BANK1: variants seen among roughly 807,000 people sequenced by gnomAD.
BANK1 encodes the protein B cell scaffold protein with ankyrin repeats 1, also known as B-cell scaffold protein with ankyrin repeats.
In BANK1, 95 loss-of-function variants were observed where a neutral mutation model predicts 94.5. That is an observed-to-expected ratio of 1.00 (90% CI 0.85 to 1.19). The LOEUF (loss-of-function observed/expected upper bound fraction) is 1.19. BANK1 is among the 50% of genes most tolerant of loss of function. The pLI is 0.00. For missense variants in BANK1, 987 were observed against 932.2 expected (o/e 1.06, Z -0.77); for synonymous variants, 334 against 308.4 (o/e 1.08, Z -0.87).
At chr4:101,927,343 C>G (rs1286571366) in intron 7 of BANK1, among the ~76,000 whole-genome samples, 3 of 151,650 alleles carry the variant, frequency 2.0e-5, no homozygotes, top group Non-Finnish European at 4.4e-5. Flanking sequence ...TGGTCCCACC[C>G]TGGACATATG....
At chr4:101,993,894 C>G (rs1327466953) in intron 7 of BANK1, among the ~76,000 whole-genome samples, 2 of 152,150 alleles carry the variant, frequency 1.3e-5, no homozygotes, top group Non-Finnish European at 2.9e-5. Context: ...TTGGTTTCTC[C>G]TGATTTATTT....
At chr4:101,870,744 A>C in intron 5 of BANK1, 100 bp downstream of exon 5, 1 of 1,334,956 alleles carries the variant, frequency 7.5e-7, no homozygotes, top group Non-Finnish European at 1.0e-6. Context: ...TGTGGATTGA[A>C]TAACAGTGAA....
intron 5 of BANK1, among the ~76,000 whole-genome samples, chr4:101,892,435 AC>A: frequency 6.6e-6 from 1 of 151,486 alleles, no homozygotes; most frequent in Non-Finnish European, 1.5e-5. Flanking sequence ...TTGTTTTTTA[AC>A]CAGCCTTCTG....
intron 7 of BANK1, among the ~76,000 whole-genome samples, chr4:101,951,525 A>G (rs1006303518): frequency 1.3e-5 from 2 of 152,104 alleles, no homozygotes; most frequent in East Asian, 1.9e-4. Context: ...GTTATTCCAC[A>G]ATACCTTGAA....
At position 101,936,349 on chromosome 4, in the gene BANK1, A is replaced by G. The variant is rs562383076; in HGVS notation, c.1206+18160A>G. On this transcript the variant is annotated intron_variant, in intron 7 of 16. Coordinates refer to ENST00000322953, the MANE Select transcript of BANK1 (RefSeq NM_017935.5). ...TCCATACATATATATGTACATATAC[A>G]TGTATACATACATGCATATATGTGT... 4.7e-5 allele frequency among the ~76,000 whole-genome samples: 7 copies of G among 150,488 alleles called. No individual in the cohort carries two copies. The East Asian group carries it at 7.9e-4, about 17-fold the overall frequency.
At chr4:101,974,291 A>G (rs1026184094) in intron 7 of BANK1, among the ~76,000 whole-genome samples, 7 of 152,040 alleles carry the variant, frequency 4.6e-5, no homozygotes, top group Non-Finnish European at 8.8e-5. Context: ...AGCCGCTTTC[A>G]CTCCTTTTAC....
rs930791343 is a variant in BANK1, at chr4:102,060,382, T to G, written c.2141T>G (p.Ile714Ser). The change falls in exon 12 of 17, where the codon ATT (isoleucine) becomes AGT (serine). Residue 714 changes from isoleucine to serine, a missense_variant. Ile to Ser is a moderately radical substitution (Grantham distance 142, BLOSUM62 -2). Coordinates refer to ENST00000322953, the MANE Select transcript of BANK1 (RefSeq NM_017935.5). The part of the protein sequence containing the change: ...WQMGKSGLEM[I>S]QQEKLRQLRD... ...ATGGGAAAAAGTGGCCTGGAAATGA[T>G]TCAGCAGGTAATATTGGCCCAGTGT... The G allele has an allele frequency of 3.7e-6, 6 of 1,606,126 alleles. No individual in the cohort carries two copies. The African/African-American group carries it at 8.1e-5, about 22-fold the overall frequency.
At chr4:101,923,620 C>A (rs892507810) in intron 7 of BANK1, among the ~76,000 whole-genome samples, 1 of 151,706 alleles carries the variant, frequency 6.6e-6, no homozygotes, top group Non-Finnish European at 1.5e-5. Context: ...ATAGCTGGAA[C>A]AAATGAAATC....
intron 7 of BANK1, among the ~76,000 whole-genome samples, chr4:102,018,581 T>C (rs1238567566): frequency 6.6e-6 from 1 of 152,260 alleles, no homozygotes; most frequent in Non-Finnish European, 1.5e-5. Context: ...TTATCTTTGA[T>C]AATGAATGAT....
chr4:101,831,894 T>A (rs925560010), intron 2 of BANK1, among the ~76,000 whole-genome samples: 1 of 152,180 alleles, frequency 6.6e-6, no homozygotes, highest in Non-Finnish European at 1.5e-5. Flanking sequence ...GGAGCAGGAT[T>A]TGTCATGAGG....
intron 2 of BANK1, among the ~76,000 whole-genome samples, chr4:101,832,527 T>C (rs1206756617): frequency 6.6e-6 from 1 of 152,168 alleles, no homozygotes; most frequent in Non-Finnish European, 1.5e-5. Flanking sequence ...CACTTTAACT[T>C]TTGCTACCAT....
rs151065949 is a variant in BANK1 at position 102,073,694 on chromosome 4, G to T, written c.2309G>T (p.Arg770Leu). The change falls in exon 16 of 17, where the codon CGA becomes CTA. Residue 770 changes from arginine (R) to leucine (L), a missense_variant. Arg to Leu is a moderately radical substitution (Grantham distance 102). Transcript: ENST00000322953. ...TTTATTTTTTTTCAGCTTCCTGCTC[G>T]ACCCCAAGTTGAAAAGGAATTTGGT... ...NVHFSNKLPARPQVEKEFGFC... is the reference protein window; with the variant it reads ...NVHFSNKLPALPQVEKEFGFC... 2 of 1,610,632 alleles carry T rather than the reference G, an allele frequency of 1.2e-6. No homozygotes were observed. Among genetic ancestry groups the T allele is most frequent in the Non-Finnish European group, 1.7e-6 (2 of 1,178,422 alleles).
At chr4:102,009,142 A>C (rs1184824097) in intron 7 of BANK1, among the ~76,000 whole-genome samples, 2 of 152,210 alleles carry the variant, frequency 1.3e-5, no homozygotes, top group Non-Finnish European at 2.9e-5. Context: ...TAATTCAGAC[A>C]ACAGTCAATA....
At chr4:101,868,470 A>T (rs1728160102) in intron 4 of BANK1, among the ~76,000 whole-genome samples, 1 of 152,006 alleles carries the variant, frequency 6.6e-6, no homozygotes, top group Non-Finnish European at 1.5e-5. Context: ...ACAATATGTA[A>T]AGCAAAAGCT....
intron 1 of BANK1, among the ~76,000 whole-genome samples, chr4:101,800,922 T>C (rs574637773): frequency 7.6e-4 from 115 of 152,310 alleles, no homozygotes; most frequent in African/African-American, 2.6e-3. Context: ...CACACCTGGC[T>C]AACTTTTGTA....
At chr4:101,948,004 A>G (rs1328756769) in intron 7 of BANK1, among the ~76,000 whole-genome samples, 1 of 152,066 alleles carries the variant, frequency 6.6e-6, no homozygotes, top group African/African-American at 2.4e-5. Context: ...TGTCCTTAAT[A>G]TATGCTATGT....
chr4:101,863,153 T>A (rs1209063808), intron 4 of BANK1, among the ~76,000 whole-genome samples: 1 of 152,038 alleles, frequency 6.6e-6, no homozygotes, highest in Non-Finnish European at 1.5e-5. Flanking sequence ...TCTCATCTTT[T>A]CCTCATCTCA....
intron 7 of BANK1, among the ~76,000 whole-genome samples, chr4:101,963,382 A>G (rs926125536): frequency 2.6e-5 from 4 of 152,142 alleles, no homozygotes; most frequent in Non-Finnish European, 5.9e-5. Flanking sequence ...TGGAAACAAG[A>G]TATTTATCTC....
chr4:101,952,701 G>T (rs1724206722), intron 7 of BANK1, among the ~76,000 whole-genome samples: 1 of 152,066 alleles, frequency 6.6e-6, no homozygotes, highest in African/African-American at 2.4e-5. Context: ...CTTGATTACG[G>T]CAAATCCATG....
Sources: gnomAD v4.1 joint callset for allele counts (sites outside exome capture counted in the v4.1 genomes callset) on GRCh38, gnomAD v4.1.1 for gene constraint, MANE v1.5 for transcripts, NCBI Gene and HGNC (gene_info 2026-07-23, HGNC 2026-07-21) for gene names.